THSD7A: variants seen among roughly 807,000 people sequenced by gnomAD.
The protein encoded by THSD7A is thrombospondin type-1 domain-containing protein 7A.
A neutral mutation model predicts 231.3 loss-of-function variants in THSD7A; 96 were observed. That is an observed-to-expected ratio of 0.41 (90% CI 0.35 to 0.49). The LOEUF (loss-of-function observed/expected upper bound fraction) is 0.49, where lower values mean the gene tolerates loss of function less well. Among genes scored for constraint, THSD7A ranks in the 20% least tolerant of loss-of-function variants. THSD7A has a pLI of 0.05. For missense variants in THSD7A, 2,290 were observed against 2,070.2 expected, an observed-to-expected ratio of 1.11 and a Z score of -2.06; for synonymous variants, 940 against 743.3, an observed-to-expected ratio of 1.26 and a Z score of -4.30.
At chr7:11,811,317 G>C (rs1249738121) in intron 1 of THSD7A, among the ~76,000 whole-genome samples, 1 of 152,006 alleles carries the variant, frequency 6.6e-6, no homozygotes, top group Non-Finnish European at 1.5e-5. Context: ...TTTTCCTCTG[G>C]GTTAAAATTG....
At chr7:11,762,991 CA>C (rs1284772757) in intron 1 of THSD7A, among the ~76,000 whole-genome samples, 2 of 152,050 alleles carry the variant, frequency 1.3e-5, no homozygotes, top group African/African-American at 4.8e-5. Flanking sequence ...CCCCAATAGC[CA>C]AACAATCCTA....
At chr7:11,769,160 T>C (rs1399564982) in intron 1 of THSD7A, among the ~76,000 whole-genome samples, 1 of 113,930 alleles carries the variant, frequency 8.8e-6, no homozygotes, top group African/African-American at 3.1e-5. Context: ...TATATTTTTT[T>C]TTTTTTTTGG....
chr7:11,410,057 T>TCTC (rs1783727796), intron 19 of THSD7A, among the ~76,000 whole-genome samples: 1 of 152,172 alleles, frequency 6.6e-6, no homozygotes, highest in Non-Finnish European at 1.5e-5. Flanking sequence ...CTGACATTAT[T>TCTC]CTCATAATGG....
intron 1 of THSD7A, among the ~76,000 whole-genome samples, chr7:11,758,549 A>C (rs528174558): frequency 4.6e-5 from 7 of 152,082 alleles, no homozygotes; most frequent in Admixed American, 1.3e-4. Context: ...ACCCCAAAGC[A>C]GCTCAAAATG....
At chr7:11,743,375 C>A (rs1344642727) in intron 1 of THSD7A, among the ~76,000 whole-genome samples, 3 of 151,710 alleles carry the variant, frequency 2.0e-5, no homozygotes, top group African/African-American at 4.8e-5. Context: ...TCACCTTGAC[C>A]TGAGACATCA....
chr7:11,508,223 G>A (rs1344403490), intron 6 of THSD7A, among the ~76,000 whole-genome samples: 1 of 152,044 alleles, frequency 6.6e-6, no homozygotes, highest in Non-Finnish European at 1.5e-5. Context: ...TGGAGACAAA[G>A]AACCAAAAAG....
intron 1 of THSD7A, among the ~76,000 whole-genome samples, chr7:11,787,758 G>A (rs549990757): frequency 2.6e-5 from 4 of 152,146 alleles, no homozygotes; most frequent in Admixed American, 2.6e-4. Context: ...AACATCTAAA[G>A]CTGGTAAGGA....
chr7:11,482,813 T>A lies in THSD7A; in HGVS notation c.1823-831A>T, dbSNP rs370944452. On this transcript the variant is annotated intron_variant, in intron 6 of 27. Transcript: ENST00000423059. Reference sequence around the variant, plus strand: ...TAGAGATTGGCCCAAAAATGGACACTTATTTAATATTTGCTGAATGCGTGA... The same window carrying A: ...TAGAGATTGGCCCAAAAATGGACACATATTTAATATTTGCTGAATGCGTGA... Among the ~76,000 whole-genome samples the A allele has an allele frequency of 1.1e-4, 16 of 152,306 alleles. No homozygotes were observed. The East Asian group carries it at 1.7e-3, about 17-fold the overall frequency.
In THSD7A at chr7:11,469,951, G is replaced by A. The variant is rs367798108; in HGVS notation, c.2296C>T (p.Leu766Phe). ...ACAATACAGTCCTTCTTACAAGGAA[G>A]CAGACAAGGCCTTACAGTTTCAGGT... The part of the protein sequence containing the change: ...LRPETVRPCL[L>F]PCKKDCIVTP... Residue 766 changes from leucine to phenylalanine, a missense_variant, in exon 9 of 28, where the codon CTT becomes TTT. By Grantham distance (22) the Leu-to-Phe change is conservative. Coordinates refer to ENST00000423059, the MANE Select transcript of THSD7A (RefSeq NM_015204.3). 2,102 of 1,601,052 alleles carry A rather than the reference G, an allele frequency of 1.3e-3. 56 individuals are homozygous for A. In the South Asian group the frequency reaches 0.022, roughly 17 times the overall value.
rs565255931 is a variant in THSD7A at position 11,462,864 on chromosome 7, C to A, written c.2369-721G>T. Among the ~76,000 whole-genome samples, 7 of 152,228 alleles carry A rather than the reference C, an allele frequency of 4.6e-5. No homozygotes were observed. In the East Asian group the frequency reaches 1.4e-3, roughly 29 times the overall value. On this transcript the variant is annotated intron_variant, in intron 9 of 27. Coordinates refer to ENST00000423059, the MANE Select transcript of THSD7A (RefSeq NM_015204.3). Reference sequence around the variant, plus strand: ...ACTTTCAATAAAGACATCAACTTGACAGTATGACTGATGTAAGGATTCAAA... The same window carrying A: ...ACTTTCAATAAAGACATCAACTTGAAAGTATGACTGATGTAAGGATTCAAA...
chr7:11,661,162 G>A (rs953961745), intron 1 of THSD7A, among the ~76,000 whole-genome samples: 10 of 151,312 alleles, frequency 6.6e-5, no homozygotes, highest in Non-Finnish European at 1.5e-4. Flanking sequence ...TATACCTGTG[G>A]ATAAAGAAAT....
intron 4 of THSD7A, among the ~76,000 whole-genome samples, chr7:11,552,927 C>A (rs1295098878): frequency 1.3e-5 from 2 of 151,496 alleles, no homozygotes; most frequent in African/African-American, 2.4e-5. Context: ...TAAAATCCAG[C>A]ACATCCCCCT....
chr7:11,535,885 C>G (rs1231595529), intron 6 of THSD7A, among the ~76,000 whole-genome samples: 1 of 152,074 alleles, frequency 6.6e-6, no homozygotes, highest in African/African-American at 2.4e-5. Flanking sequence ...AGTTTCCATT[C>G]TATAAATATA....
intron 1 of THSD7A, among the ~76,000 whole-genome samples, chr7:11,643,822 A>T (rs1317750922): frequency 3.9e-5 from 6 of 152,056 alleles, no homozygotes; most frequent in Non-Finnish European, 1.5e-5. Context: ...CCATTGCTAT[A>T]CATCAGTCAG....
At chr7:11,407,147 C>A (rs1783613070) in intron 20 of THSD7A, 92 bp from the exon 21 acceptor site, 1 of 1,523,248 alleles carries the variant, frequency 6.6e-7, no homozygotes, top group Admixed American at 2.0e-5. Flanking sequence ...GTGATATCTC[C>A]TGAGGCAATC....
chr7:11,786,174 C>T (rs75735126), intron 1 of THSD7A, among the ~76,000 whole-genome samples: 4,455 of 152,150 alleles, frequency 0.029, 146 homozygotes, highest in East Asian at 0.15. Context: ...AACTGCTCTC[C>T]CAGCACTGTG....
intron 17 of THSD7A, among the ~76,000 whole-genome samples, chr7:11,415,592 C>T (rs1431823904): frequency 3.9e-5 from 6 of 152,042 alleles, no homozygotes; most frequent in Non-Finnish European, 7.4e-5. Context: ...TTTTTCTCTT[C>T]GAACATTCAC....
chr7:11,768,882 G>C (rs1419390274), intron 1 of THSD7A, among the ~76,000 whole-genome samples: 1 of 151,300 alleles, frequency 6.6e-6, no homozygotes, highest in Non-Finnish European at 1.5e-5. Context: ...AGCATCCCAA[G>C]CATGCCACTC....
intron 1 of THSD7A, among the ~76,000 whole-genome samples, chr7:11,670,873 A>G: frequency 6.6e-6 from 1 of 152,194 alleles, no homozygotes; most frequent in Non-Finnish European, 1.5e-5. Context: ...TACGATGTTA[A>G]GCTAACACCT....
Sources: gnomAD v4.1 joint callset for allele counts (sites outside exome capture counted in the v4.1 genomes callset) on GRCh38, gnomAD v4.1.1 for gene constraint, MANE v1.5 for transcripts, NCBI Gene and HGNC (gene_info 2026-07-23, HGNC 2026-07-21) for gene names.